Variants in ADGRB3 observed in about 807,000 individuals in gnomAD.
ADGRB3 encodes adhesion G protein-coupled receptor B3.
Under a neutral mutation model 193.4 loss-of-function variants are expected in ADGRB3, and 37 were observed. The ratio of observed to expected loss-of-function variants is 0.19; its 90% CI spans 0.15 to 0.25. The LOEUF is 0.25. Ranked by LOEUF, ADGRB3 falls within the 10% of genes least tolerant of loss-of-function variation. The probability of loss-of-function intolerance (pLI) is 1.00; values close to 1 mark genes in which losing one functional copy is unlikely to be tolerated. For missense variants in ADGRB3, 1,637 were observed against 1,852.9 expected (o/e 0.88, Z 2.14); for synonymous variants, 690 against 644.2 (o/e 1.07, Z -1.08).
At chr6:68,842,871 G>A (rs578074017) in intron 3 of ADGRB3, among the ~76,000 whole-genome samples, 1 of 152,076 alleles carries the variant, frequency 6.6e-6, no homozygotes, top group East Asian at 1.9e-4. Context: ...TTCAATGTAT[G>A]CAAATCAATC....
rs142372047 is a variant in ADGRB3, at chr6:68,993,868, A to G, written c.1835A>G (p.Tyr612Cys). Reference sequence around the variant, plus strand: ...GATTTAACTCAGAGAAAAAATTTCTATGCAGGCGATCTTCTGATGTCTGTG... The same window carrying G: ...GATTTAACTCAGAGAAAAAATTTCTGTGCAGGCGATCTTCTGATGTCTGTG... ...LLDLTQRKNF[Y>C]AGDLLMSVEI... is the part of the protein sequence containing the mutation. Residue 612 changes from tyrosine to cysteine, a missense_variant, in exon 11 of 32, where the codon TAT becomes TGT. Coordinates refer to ENST00000370598, the MANE Select transcript of ADGRB3 (RefSeq NM_001704.3). 46 of 1,614,004 alleles carry G rather than the reference A, an allele frequency of 2.9e-5. No individual in the cohort carries two copies. In the East Asian group the frequency reaches 6.9e-4, roughly 24 times the overall value.
intron 31 of ADGRB3, among the ~76,000 whole-genome samples, chr6:69,383,943 G>A (rs1274560583): frequency 1.3e-5 from 2 of 151,914 alleles, no homozygotes; most frequent in East Asian, 1.9e-4. Context: ...AGTAGATGAC[G>A]TTTGGTCACC....
intron 3 of ADGRB3, among the ~76,000 whole-genome samples, chr6:68,670,098 C>T (rs1768907410): frequency 6.6e-6 from 1 of 151,714 alleles, no homozygotes; most frequent in African/African-American, 2.4e-5. Flanking sequence ...AATCTTTTGC[C>T]CATTTTTTGA....
At chr6:68,812,010 C>T (rs919291555) in intron 3 of ADGRB3, among the ~76,000 whole-genome samples, 11 of 152,190 alleles carry the variant, frequency 7.2e-5, no homozygotes, top group African/African-American at 2.6e-4. Flanking sequence ...GACTATAATG[C>T]CACATTAGAA....
chr6:68,949,261 TGTCA>T (rs1200566493), intron 6 of ADGRB3, among the ~76,000 whole-genome samples: 2 of 152,132 alleles, frequency 1.3e-5, no homozygotes, highest in African/African-American at 4.8e-5. Context: ...ATACAAGCTG[TGTCA>T]GTCTGTTGAG....
At chr6:69,217,924 G>A (rs181266294) in intron 17 of ADGRB3, among the ~76,000 whole-genome samples, 86 of 152,050 alleles carry the variant, frequency 5.7e-4, no homozygotes, top group African/African-American at 1.9e-3. Flanking sequence ...AACTAAATGA[G>A]TATGATACAG....
At chr6:68,836,098 G>T (rs1450883322) in intron 3 of ADGRB3, among the ~76,000 whole-genome samples, 4 of 152,170 alleles carry the variant, frequency 2.6e-5, no homozygotes, top group African/African-American at 9.6e-5. Flanking sequence ...AAACACAGCT[G>T]CTGAGTTGAC....
chr6:69,061,374 G>T (rs1282706872), intron 15 of ADGRB3, among the ~76,000 whole-genome samples: 2 of 151,684 alleles, frequency 1.3e-5, no homozygotes, highest in African/African-American at 4.8e-5. Context: ...CCTCATTAGA[G>T]AAAAACAAAT....
chr6:69,042,153 T>G (rs1424042349), intron 13 of ADGRB3, among the ~76,000 whole-genome samples: 1 of 152,190 alleles, frequency 6.6e-6, no homozygotes, highest in African/African-American at 2.4e-5. Context: ...ACATGCATGT[T>G]TGCTTCCCTT....
chr6:68,777,193 T>C (rs1020663454), intron 3 of ADGRB3, among the ~76,000 whole-genome samples: 2 of 152,124 alleles, frequency 1.3e-5, no homozygotes, highest in African/African-American at 4.8e-5. Context: ...AGCATGTAAG[T>C]GTGTGTTCTT....
chr6:68,978,404 T>C (rs996753643), intron 10 of ADGRB3, among the ~76,000 whole-genome samples: 1 of 151,456 alleles, frequency 6.6e-6, no homozygotes, highest in Admixed American at 6.6e-5. Flanking sequence ...TTTTGGCATA[T>C]GAATTATGCT....
At chr6:69,176,450 G>A (rs1004538938) in intron 17 of ADGRB3, among the ~76,000 whole-genome samples, 7 of 152,204 alleles carry the variant, frequency 4.6e-5, no homozygotes, top group South Asian at 4.2e-4. Context: ...ATTGATTTGC[G>A]TATGGTAAGC....
intron 16 of ADGRB3, among the ~76,000 whole-genome samples, chr6:69,064,580 T>C (rs1215984386): frequency 6.6e-6 from 1 of 152,030 alleles, no homozygotes; most frequent in Non-Finnish European, 1.5e-5. Flanking sequence ...ATTCAAAATT[T>C]TTTACAAAAA....
intron 17 of ADGRB3, among the ~76,000 whole-genome samples, chr6:69,154,828 A>T (rs555100326): frequency 1.3e-5 from 2 of 152,284 alleles, no homozygotes; most frequent in East Asian, 3.9e-4. Flanking sequence ...TTATCCATTC[A>T]TCTATCTATA....
At position 69,043,281 on chromosome 6, in the gene ADGRB3, GAAGAAAGAGAGAAAGAAAGA is replaced by G. The variant is rs1218243800; in HGVS notation, c.2108-4895_2108-4876del. Among the ~76,000 whole-genome samples, 53 of 9,952 alleles carry G rather than the reference GAAGAAAGAGAGAAAGAAAGA, an allele frequency of 5.3e-3. 1 individual carries two copies. The highest frequency in any genetic ancestry group is 0.1 in the Middle Eastern group (1 of 10). The allele number at this position is 9,952 out of a possible 152,430, so 6.5% of individuals were successfully genotyped here. A position where few individuals can be genotyped will look rare whatever the true frequency, so the allele number is the denominator to read the frequency against. ...GAAAGAAAGGGAAAGAAAAGGAAAG[GAAGAAAGAGAGAAAGAAAGA>G]AAGAAAGAAAGAAAGAAAGAAAGAA... On this transcript the variant is annotated intron_variant, in intron 13 of 31. Transcript: ENST00000370598.
intron 3 of ADGRB3, among the ~76,000 whole-genome samples, chr6:68,666,751 AC>A (rs1348271745): frequency 6.6e-6 from 1 of 151,792 alleles, no homozygotes; most frequent in Non-Finnish European, 1.5e-5. Flanking sequence ...TAATGTCATA[AC>A]TAGAACTTAT....
intron 3 of ADGRB3, among the ~76,000 whole-genome samples, chr6:68,733,224 TTATATC>T (rs1765805699): frequency 6.7e-6 from 1 of 148,350 alleles, no homozygotes; most frequent in Non-Finnish European, 1.5e-5. Context: ...ATAAAGAAAA[TTATATC>T]TATATATATA....
chr6:68,908,614 T>A (rs1766614420), intron 3 of ADGRB3, among the ~76,000 whole-genome samples: 1 of 152,144 alleles, frequency 6.6e-6, no homozygotes, highest in South Asian at 2.1e-4. Context: ...TAGTCTGTAT[T>A]TCTAACTATA....
intron 3 of ADGRB3, among the ~76,000 whole-genome samples, chr6:68,796,575 T>C (rs1157127792): frequency 6.6e-6 from 1 of 152,188 alleles, no homozygotes; most frequent in Admixed American, 6.6e-5. Context: ...ACAGATCTTC[T>C]AGGAATATGT....
Sources: gnomAD v4.1 joint callset for allele counts (sites outside exome capture counted in the v4.1 genomes callset) on GRCh38, gnomAD v4.1.1 for gene constraint, MANE v1.5 for transcripts, NCBI Gene and HGNC (gene_info 2026-07-23, HGNC 2026-07-21) for gene names.